The following ADAM2 variants were observed in gnomAD, a reference collection of about 807,000 sequenced individuals.
ADAM2 encodes the protein disintegrin and metalloproteinase domain-containing protein 2.
Under a neutral mutation model 99.3 loss-of-function variants are expected in ADAM2, and 101 were observed. That is an observed-to-expected ratio of 1.02 (90% CI 0.87 to 1.20). The LOEUF is 1.20. Among genes scored for constraint, ADAM2 ranks in the 50% most tolerant of loss-of-function variants. ADAM2 has a pLI of 0.00. For synonymous variants in ADAM2, 323 were observed against 287.6 expected (o/e 1.12, Z -1.25); for missense variants, 948 against 878.7 (o/e 1.08, Z -1.00).
At position 39,798,257 on chromosome 8, in the gene ADAM2, G is replaced by A. The variant is rs187764739; in HGVS notation, c.571-9517C>T. On this transcript the variant is annotated intron_variant, in intron 7 of 20. Transcript: ENST00000265708. ...AGGGTTTTTAACATGAAGGGATGTT[G>A]AATTTTATCAAAGGCCTATTCTGCA... Among the ~76,000 whole-genome samples, 424 of 152,290 alleles carry A rather than the reference G, an allele frequency of 2.8e-3. 2 individuals are homozygous for A. The highest frequency in any genetic ancestry group is 9.8e-3 in the African/African-American group (409 of 41,568).
chr8:39,772,043 G>A (rs11774445), intron 11 of ADAM2, among the ~76,000 whole-genome samples: 6 of 149,862 alleles, frequency 4.0e-5, no homozygotes, highest in South Asian at 2.1e-4. Flanking sequence ...CAAACCGCAC[G>A]TTGTGCACAT....
chr8:39,818,572 A>G (rs1301208042), intron 6 of ADAM2, among the ~76,000 whole-genome samples: 2 of 152,056 alleles, frequency 1.3e-5, no homozygotes, highest in African/African-American at 4.8e-5. Flanking sequence ...GGAAGTAGTA[A>G]TCAGGACAAT....
chr8:39,835,412 C>CA (rs1554533294), intron 2 of ADAM2, among the ~76,000 whole-genome samples: 1 of 151,980 alleles, frequency 6.6e-6, no homozygotes, highest in Admixed American at 6.6e-5. Flanking sequence ...AGGCCATGTG[C>CA]GGTGGCTCAC....
chr8:39,837,634 C>T (rs1469110042), intron 1 of ADAM2, among the ~76,000 whole-genome samples: 1 of 152,082 alleles, frequency 6.6e-6, no homozygotes, highest in East Asian at 1.9e-4. Flanking sequence ...ATACGCCTTC[C>T]TCAGCCTCCC....
intron 11 of ADAM2, among the ~76,000 whole-genome samples, chr8:39,771,619 C>T (rs574865501): frequency 2.0e-5 from 3 of 152,082 alleles, no homozygotes; most frequent in South Asian, 2.1e-4. Flanking sequence ...TGGATTATCA[C>T]AAGAAAATGT....
At chr8:39,818,376 C>T (rs972593214) in intron 6 of ADAM2, among the ~76,000 whole-genome samples, 1 of 151,876 alleles carries the variant, frequency 6.6e-6, no homozygotes, top group Non-Finnish European at 1.5e-5. Context: ...ATCCAACAAC[C>T]CTTAATGACA....
rs745752443 is a variant in ADAM2 at position 39,821,178 on chromosome 8, T to C, written c.345-8A>G. 1.8e-5 allele frequency: 27 copies of C among 1,542,800 alleles called. No individual in the cohort carries two copies. Among genetic ancestry groups the C allele is most frequent in the Non-Finnish European group, 2.2e-5 (25 of 1,147,618 alleles). On this transcript the variant is annotated splice_region_variant and splice_polypyrimidine_tract_variant and intron_variant, in intron 5 of 20. Transcript: ENST00000265708. ...TCAAACTGTAGTACGCCCCTAAAAA[T>C]TTCAAAAAAAAATTAATAAGTAAAA...
intron 3 of ADAM2, 36 bp downstream of exon 3, chr8:39,833,908 A>T (rs1297176542): frequency 8.9e-7 from 1 of 1,129,458 alleles, no homozygotes; most frequent in East Asian, 2.4e-5. Context: ...TATAAGTAGA[A>T]CAAAGAGAAT....
chr8:39,815,737 A>G (rs981612650), intron 6 of ADAM2, among the ~76,000 whole-genome samples: 3 of 152,166 alleles, frequency 2.0e-5, no homozygotes, highest in Admixed American at 2.0e-4. Flanking sequence ...AATGATAATA[A>G]TTTTTATTTC....
intron 6 of ADAM2, among the ~76,000 whole-genome samples, chr8:39,812,289 T>C (rs1804737363): frequency 6.6e-6 from 1 of 152,202 alleles, no homozygotes; most frequent in Non-Finnish European, 1.5e-5. Context: ...CACAAACAAA[T>C]GGAAGAACAT....
chr8:39,796,423 T>A (rs1803950585), intron 7 of ADAM2, among the ~76,000 whole-genome samples: 1 of 152,222 alleles, frequency 6.6e-6, no homozygotes, highest in Admixed American at 6.5e-5. Flanking sequence ...TACCACGTTT[T>A]CTTTATCCAG....
intron 2 of ADAM2, among the ~76,000 whole-genome samples, chr8:39,835,809 A>T (rs1395641335): frequency 1.3e-5 from 2 of 152,100 alleles, no homozygotes; most frequent in Admixed American, 1.3e-4. Context: ...TAATTAGCAT[A>T]ATAGCCTAGT....
chr8:39,753,078 A>G (rs370251138), intron 16 of ADAM2, among the ~76,000 whole-genome samples: 5 of 152,302 alleles, frequency 3.3e-5, no homozygotes, highest in East Asian at 3.9e-4. Flanking sequence ...GATTGGAATC[A>G]TTTGGAGGGC....
rs1001532653 is a variant in ADAM2 at position 39,788,713 on chromosome 8, C to T, written c.598G>A (p.Val200Ile). 1.3e-6 allele frequency: 2 copies of T among 1,574,922 alleles called. No homozygotes were observed. Among genetic ancestry groups the T allele is most frequent in the Admixed American group, 1.8e-5 (1 of 56,444 alleles). The change falls in exon 8 of 21, where the codon GTT (valine) becomes ATT (isoleucine). Residue 200 changes from valine to isoleucine, a missense_variant. Val to Ile is a conservative substitution (Grantham distance 29). Coordinates refer to ENST00000265708, the MANE Select transcript of ADAM2 (RefSeq NM_001464.5). ...LYNHMGSDTT[V>I]VAQKVFQLIG... is the part of the protein sequence containing the mutation. Reference sequence around the variant, plus strand: ...AACTGGAAAACTTTTTGAGCGACAACAGTTGTATCAGACCCCATATGATTA... The same window carrying T: ...AACTGGAAAACTTTTTGAGCGACAATAGTTGTATCAGACCCCATATGATTA...
chr8:39,744,493 A>G (rs1823366397), intron 20 of ADAM2, among the ~76,000 whole-genome samples: 2 of 151,948 alleles, frequency 1.3e-5, no homozygotes, highest in South Asian at 4.2e-4. Context: ...AGGGACATGG[A>G]TGAAGCTGGA....
chr8:39,822,104 C>A (rs758323442), intron 4 of ADAM2, among the ~76,000 whole-genome samples: 1 of 152,102 alleles, frequency 6.6e-6, no homozygotes, highest in Non-Finnish European at 1.5e-5. Context: ...GTACCACTTT[C>A]CAAATACCAT....
Position 39,817,001 on chromosome 8 carries a change from G to A in ADAM2, c.513+4001C>T, listed in dbSNP as rs79832516. ...CTAAAATTATTATGTTGTAAAAATT[G>A]TTTTGTATTCACAGACTATATAAGA... On this transcript the variant is annotated intron_variant, in intron 6 of 20. Transcript: ENST00000265708. 7.3e-3 allele frequency among the ~76,000 whole-genome samples: 1,113 copies of A among 152,194 alleles called. 15 individuals carry two copies. Among genetic ancestry groups the A allele is most frequent in the East Asian group, 0.063 (328 of 5,178 alleles).
rs1303822810 is a variant in ADAM2, at chr8:39,767,245, C to T, written c.1219G>A (p.Ala407Thr). The T allele has an allele frequency of 1.9e-6, 3 of 1,605,146 alleles. No individual in the cohort carries two copies. In the South Asian group the frequency reaches 3.3e-5, roughly 18 times the overall value. ...TCACAGCATGTTTCTCCAATAAGGG[C>T]ACAATCCTGTAAGGCAAATCAAATG... ...ECDCGTEQDC[A>T]LIGETCCDIA... The change falls in exon 13 of 21, where the codon GCC (alanine) becomes ACC (threonine). Residue 407 changes from alanine to threonine, a missense_variant. Ala to Thr is a moderately conservative substitution (Grantham distance 58, BLOSUM62 0). Coordinates refer to ENST00000265708, the MANE Select transcript of ADAM2 (RefSeq NM_001464.5).
At chr8:39,750,310 C>A (rs375425934) in intron 16 of ADAM2, among the ~76,000 whole-genome samples, 25 of 151,938 alleles carry the variant, frequency 1.6e-4, no homozygotes, top group African/African-American at 5.3e-4. Flanking sequence ...TGTACCTGGC[C>A]CCAAGAAGGC....
Sources: gnomAD v4.1 joint callset for allele counts (sites outside exome capture counted in the v4.1 genomes callset) on GRCh38, gnomAD v4.1.1 for gene constraint, MANE v1.5 for transcripts, NCBI Gene and HGNC (gene_info 2026-07-23, HGNC 2026-07-21) for gene names.